ANKRD30A: variants seen among roughly 807,000 people sequenced by gnomAD.
ANKRD30A encodes the protein ankyrin repeat domain-containing protein 30A.
A neutral mutation model predicts 166.3 loss-of-function variants in ANKRD30A; 170 were observed. That is an observed-to-expected ratio of 1.02 (90% CI 0.90 to 1.16). ANKRD30A has a LOEUF of 1.16. Ranked by LOEUF, ANKRD30A falls within the 50% of genes most tolerant of loss-of-function variation. The pLI, the probability that ANKRD30A is intolerant of heterozygous loss-of-function variation, is 0.00. For synonymous variants in ANKRD30A, 564 were observed against 508.9 expected (o/e 1.11, Z -1.46); for missense variants, 1,630 against 1,518.0 (o/e 1.07, Z -1.23).
chr10:37,137,752 G>A (rs374794593), intron 6 of ANKRD30A, among the ~76,000 whole-genome samples: 34 of 152,262 alleles, frequency 2.2e-4, no homozygotes, highest in Middle Eastern at 6.8e-3. Flanking sequence ...GGAGCCCACC[G>A]CAGCTCAAGG....
intron 1 of ANKRD30A, among the ~76,000 whole-genome samples, chr10:37,129,513 A>G (rs1836249182): frequency 6.6e-6 from 1 of 152,158 alleles, no homozygotes; most frequent in Non-Finnish European, 1.5e-5. Flanking sequence ...TCTTCAAAAT[A>G]CTTTGCATAG....
At position 37,216,331 on chromosome 10, in the gene ANKRD30A, A is replaced by G. The variant is rs1395714111; in HGVS notation, c.3020A>G (p.Lys1007Arg). The G allele has an allele frequency of 6.2e-7, 1 of 1,608,630 alleles. No homozygotes were observed. Among genetic ancestry groups the G allele is most frequent in the Non-Finnish European group, 8.5e-7 (1 of 1,176,482 alleles). The change falls in exon 32 of 36, where the codon AAA becomes AGA. Residue 1007 changes from lysine to arginine, a missense_variant. Coordinates refer to ENST00000361713, the MANE Select transcript of ANKRD30A (RefSeq NM_052997.3). ...CVLKKKLSEA[K>R]EIKSQLENQK... ...CTGAAAAAGAAACTGTCAGAAGCAA[A>G]AGAAATAAAATCACAGTTAGAGAAC... is the stretch of plus-strand genomic sequence containing the variant.
chr10:37,228,445 A>G (rs181360702), intron 34 of ANKRD30A, among the ~76,000 whole-genome samples: 1 of 152,148 alleles, frequency 6.6e-6, no homozygotes. Flanking sequence ...CATTGAAGAA[A>G]GGAAAATGAA....
At chr10:37,137,510 C>T (rs762152691) in intron 6 of ANKRD30A, among the ~76,000 whole-genome samples, 3 of 152,148 alleles carry the variant, frequency 2.0e-5, no homozygotes, top group East Asian at 1.9e-4. Flanking sequence ...CCTGGAAAAT[C>T]GGGTCACTCC....
At chr10:37,144,508 G>A (rs1837366219) in intron 7 of ANKRD30A, among the ~76,000 whole-genome samples, 1 of 152,092 alleles carries the variant, frequency 6.6e-6, no homozygotes, top group African/African-American at 2.4e-5. Flanking sequence ...AATTTAAAAG[G>A]GTTGGACATA....
At chr10:37,237,243 A>G (rs115792315), downstream of ANKRD30A, among the ~76,000 whole-genome samples, 543 of 152,332 alleles carry the variant, frequency 3.6e-3, 1 homozygote, top group Middle Eastern at 0.02. Flanking sequence ...TTTGTGACCT[A>G]TGGTGAGGCA....
downstream of ANKRD30A, chr10:37,232,695 A>ATATATAT (rs1564604874): frequency 1.6e-3 from 17 of 10,830 alleles, no homozygotes; most frequent in African/African-American, 3.1e-3. Context: ...TATATATATA[A>ATATATAT]ATAGAGAGAG....
intron 25 of ANKRD30A, among the ~76,000 whole-genome samples, chr10:37,191,289 A>G (rs1840556941): frequency 6.6e-6 from 1 of 151,970 alleles, no homozygotes. Flanking sequence ...AGGAATATTT[A>G]TATTTAATAT....
At chr10:37,199,907 A>AT (rs1841485571) in intron 30 of ANKRD30A, 119 bp downstream of exon 30, 1 of 542,542 alleles carries the variant, frequency 1.8e-6, no homozygotes. Flanking sequence ...TATTTTTGAT[A>AT]TTTTTCAGAA....
intron 13 of ANKRD30A, 117 bp downstream of exon 13, chr10:37,153,779 A>G: frequency 7.2e-7 from 1 of 1,392,310 alleles, no homozygotes; most frequent in Non-Finnish European, 9.9e-7. Context: ...CATGGAAAAA[A>G]AGAGAAGTGC....
At chr10:37,194,306 A>G (rs542992227) in intron 27 of ANKRD30A, among the ~76,000 whole-genome samples, 66 of 151,846 alleles carry the variant, frequency 4.3e-4, no homozygotes, top group African/African-American at 1.5e-3. Context: ...CATGTCTTCA[A>G]TTTTCTTCCT....
intron 21 of ANKRD30A, among the ~76,000 whole-genome samples, chr10:37,172,069 G>A (rs1361405470): frequency 7.1e-6 from 1 of 140,820 alleles, no homozygotes; most frequent in African/African-American, 2.7e-5. Flanking sequence ...ATGGTGACCG[G>A]GTGCGGTGGC....
intron 15 of ANKRD30A, among the ~76,000 whole-genome samples, 200 bp from the exon 16 acceptor site, chr10:37,162,449 A>T (rs374745542): frequency 2.0e-4 from 31 of 152,222 alleles, no homozygotes; most frequent in African/African-American, 4.6e-4. Flanking sequence ...GCATGATCTG[A>T]GAAACCTGTA....
chr10:37,240,974 G>C, the ANKRD30A span: 3 of 152,082 alleles, frequency 2.0e-5, no homozygotes, highest in African/African-American at 7.2e-5. Context: ...CAGAAGCTCT[G>C]ATACATAATC....
intron 31 of ANKRD30A, among the ~76,000 whole-genome samples, chr10:37,209,450 A>G (rs1433894399): frequency 1.3e-5 from 2 of 152,094 alleles, no homozygotes; most frequent in African/African-American, 2.4e-5. Context: ...GGTGCCATGC[A>G]TGTTTAAATG....
At chr10:37,221,947 T>C (rs549926830) in intron 34 of ANKRD30A, among the ~76,000 whole-genome samples, 1 of 151,356 alleles carries the variant, frequency 6.6e-6, no homozygotes, top group South Asian at 2.1e-4. Context: ...TTAGAATAGC[T>C]AGGCAATTCT....
chr10:37,235,919 G>A (rs1035307287), downstream of ANKRD30A, among the ~76,000 whole-genome samples: 5 of 151,756 alleles, frequency 3.3e-5, no homozygotes, highest in African/African-American at 4.8e-5. Flanking sequence ...ACAGGCGCCC[G>A]CCACCAAGCA....
intron 13 of ANKRD30A, among the ~76,000 whole-genome samples, chr10:37,154,831 C>G (rs964271352): frequency 1.3e-5 from 2 of 152,108 alleles, no homozygotes; most frequent in African/African-American, 2.4e-5. Flanking sequence ...GCTCTGGAGA[C>G]TACTGGAATC....
intron 29 of ANKRD30A, among the ~76,000 whole-genome samples, chr10:37,198,325 C>T (rs868412678): frequency 1.5e-4 from 23 of 151,962 alleles, no homozygotes; most frequent in Non-Finnish European, 2.8e-4. Context: ...TTTTTAGAAA[C>T]ATCCGTATAG....
Sources: allele counts gnomAD v4.1 joint callset (sites outside exome capture counted in the v4.1 genomes callset), GRCh38; gene constraint gnomAD v4.1.1; transcripts MANE v1.5; gene names NCBI Gene and HGNC (gene_info 2026-07-23, HGNC 2026-07-21).